REEP1: variants seen among roughly 807,000 people sequenced by gnomAD.
The protein encoded by REEP1 is receptor accessory protein 1, also known as receptor expression-enhancing protein 1.
In REEP1, 22 loss-of-function variants were observed where a neutral mutation model predicts 40.3. The observed-to-expected ratio is 0.55, with a 90% CI of 0.39 to 0.78. REEP1 has a LOEUF of 0.78. Ranked by LOEUF, REEP1 falls within the 30% of genes least tolerant of loss-of-function variation. The pLI, the probability that REEP1 is intolerant of heterozygous loss-of-function variation, is 0.00. For synonymous variants in REEP1, 116 were observed against 139.2 expected (o/e 0.83, Z 1.17); for missense variants, 280 against 361.1 (o/e 0.78, Z 1.82).
chr2:86,337,791 GC>G, upstream of REEP1: 1 of 819,636 alleles, frequency 1.2e-6, no homozygotes, highest in Non-Finnish European at 1.6e-6. This position sits in a 1 kb window ranked among gnomAD's most constrained non-coding sequence, Gnocchi z 5.8. Flanking sequence ...GCTCGCCCTG[GC>G]CCCCGGCTGA....
At chr2:86,330,050 C>T (rs553066007) in intron 1 of REEP1, among the ~76,000 whole-genome samples, 2 of 152,204 alleles carry the variant, frequency 1.3e-5, no homozygotes, top group East Asian at 1.9e-4. Context: ...GGAATGGCAT[C>T]GGTTCTTTGT....
chr2:86,255,035 T>C, intron 3 of REEP1: 1 of 483,738 alleles, frequency 2.1e-6, no homozygotes, highest in Non-Finnish European at 3.7e-6. Flanking sequence ...GTGTTTTCTT[T>C]TGTTGCCAAA....
intron 1 of REEP1, among the ~76,000 whole-genome samples, chr2:86,324,286 G>T (rs1680403722): frequency 6.6e-6 from 1 of 152,102 alleles, no homozygotes; most frequent in African/African-American, 2.4e-5. Flanking sequence ...AAGAGTTAAA[G>T]AACTCCTACA....
At chr2:86,307,582 GA>G (rs1573023348) in intron 1 of REEP1, among the ~76,000 whole-genome samples, 1 of 152,156 alleles carries the variant, frequency 6.6e-6, no homozygotes, top group Admixed American at 6.5e-5. Context: ...GGGCAAGAGT[GA>G]GACCCTGTCT....
In REEP1 at chr2:86,313,295, C is replaced by CTTTTTT. The variant is rs201047415; in HGVS notation, c.32+24183_32+24184insAAAAAA. On this transcript the variant is annotated intron_variant, in intron 1 of 8. Coordinates refer to ENST00000538924, the MANE Select transcript of REEP1 (RefSeq NM_001371279.1). ...ACCATGCCTGGCTGGTTTTTCTTTTCTTTTCTTTTTTTTTTTTTTGGTGTG... is the reference window on the plus strand; with the variant it reads ...ACCATGCCTGGCTGGTTTTTCTTTTCTTTTTTTTTTCTTTTTTTTTTTTTTGGTGTG... Among the ~76,000 whole-genome samples, 9 of 135,158 alleles carry CTTTTTT rather than the reference C, an allele frequency of 6.7e-5. 1 individual carries two copies. The highest frequency in any genetic ancestry group is 1.1e-4 in the African/African-American group (4 of 36,372). 88.7% of individuals were successfully genotyped at this position (135,158 alleles called of 152,430 possible).
chr2:86,272,873 C>T (rs937005462), intron 2 of REEP1, among the ~76,000 whole-genome samples: 17 of 152,134 alleles, frequency 1.1e-4, no homozygotes, highest in African/African-American at 3.4e-4. Context: ...CAGTAATCCC[C>T]GCACTTTGGG....
At chr2:86,335,398 T>C (rs543476418) in intron 1 of REEP1, among the ~76,000 whole-genome samples, 1 of 152,138 alleles carries the variant, frequency 6.6e-6, no homozygotes, top group Admixed American at 6.6e-5. Context: ...CAATCCCAAA[T>C]CCCATCAACT....
At chr2:86,267,672 C>A (rs537305866) in intron 2 of REEP1, among the ~76,000 whole-genome samples, 1 of 152,120 alleles carries the variant, frequency 6.6e-6, no homozygotes, top group East Asian at 1.9e-4. Flanking sequence ...GGCAACAGAG[C>A]AAGATCCTAC....
At chr2:86,258,907 A>T (rs1030339440) in intron 3 of REEP1, among the ~76,000 whole-genome samples, 8 of 152,334 alleles carry the variant, frequency 5.3e-5, no homozygotes, top group Non-Finnish European at 8.8e-5. Context: ...AGAGGGACAG[A>T]TGTGTTCTAA....
At chr2:86,242,241 G>T (rs1415120420) in intron 5 of REEP1, among the ~76,000 whole-genome samples, 1 of 152,238 alleles carries the variant, frequency 6.6e-6, no homozygotes, top group Non-Finnish European at 1.5e-5. Context: ...CAGAGGTGCA[G>T]CAGTAAGCAG....
chr2:86,232,522 C>T (rs879383094), intron 6 of REEP1, 103 bp downstream of exon 6: 14 of 1,389,360 alleles, frequency 1.0e-5, no homozygotes, highest in Admixed American at 7.2e-5. Flanking sequence ...GTGGCAGGTC[C>T]GTGGGGCCAG....
chr2:86,257,949 C>T (rs578133779), intron 3 of REEP1, among the ~76,000 whole-genome samples: 60 of 152,284 alleles, frequency 3.9e-4, no homozygotes, highest in Non-Finnish European at 6.9e-4. Flanking sequence ...TGGCTGCATA[C>T]GAGTGTATGA....
At chr2:86,320,216 G>T (rs542096718) in intron 1 of REEP1, among the ~76,000 whole-genome samples, 107 of 152,302 alleles carry the variant, frequency 7.0e-4, no homozygotes, top group Admixed American at 1.2e-3. Context: ...AGAGGAAACC[G>T]TATTTCCCCT....
intron 1 of REEP1, among the ~76,000 whole-genome samples, chr2:86,315,942 T>C (rs1461885594): frequency 2.0e-5 from 3 of 152,136 alleles, no homozygotes; most frequent in Non-Finnish European, 4.4e-5. Context: ...TTGTCTCCCA[T>C]AGGAGATGCT....
At chr2:86,300,120 C>G (rs1679189043) in intron 1 of REEP1, among the ~76,000 whole-genome samples, 1 of 152,212 alleles carries the variant, frequency 6.6e-6, no homozygotes, top group Non-Finnish European at 1.5e-5. Context: ...CATACAGGAA[C>G]TTGCTATCAT....
At chr2:86,266,435 A>G (rs569889616) in intron 2 of REEP1, among the ~76,000 whole-genome samples, 1 of 137,678 alleles carries the variant, frequency 7.3e-6, no homozygotes, top group Non-Finnish European at 1.6e-5. Context: ...CTGGCTAACA[A>G]GGTGAAACCC....
intron 1 of REEP1, among the ~76,000 whole-genome samples, chr2:86,295,583 G>C (rs767088328): frequency 1.3e-5 from 2 of 152,034 alleles, no homozygotes; most frequent in Non-Finnish European, 2.9e-5. Flanking sequence ...GGAGTGCTTC[G>C]GTGTGATCTC....
chr2:86,308,703 A>T (rs1679618361), intron 1 of REEP1, among the ~76,000 whole-genome samples: 1 of 152,196 alleles, frequency 6.6e-6, no homozygotes, highest in African/African-American at 2.4e-5. Flanking sequence ...TCACCAGTGG[A>T]CCCTGGGCAG....
At chr2:86,298,504 A>G (rs929390417) in intron 1 of REEP1, among the ~76,000 whole-genome samples, 4 of 152,222 alleles carry the variant, frequency 2.6e-5, no homozygotes, top group Non-Finnish European at 5.9e-5. Context: ...ACATGAAGAG[A>G]GCACCGTGTC....
Sources: allele counts gnomAD v4.1 joint callset (sites outside exome capture counted in the v4.1 genomes callset), GRCh38; gene constraint gnomAD v4.1.1; non-coding constraint Gnocchi (gnomAD v3.1); transcripts MANE v1.5; gene names NCBI Gene and HGNC (gene_info 2026-07-23, HGNC 2026-07-21).